Variants in IGF2BP3 observed in about 807,000 individuals in gnomAD.
IGF2BP3 encodes insulin like growth factor 2 mRNA binding protein 3.
A neutral mutation model predicts 73.8 loss-of-function variants in IGF2BP3; 9 were observed. The observed-to-expected ratio is 0.12, with a 90% confidence interval of 0.07 to 0.21. IGF2BP3 has a LOEUF of 0.21. Among genes scored for constraint, IGF2BP3 ranks in the 10% least tolerant of loss-of-function variants. The pLI is 1.00. For synonymous variants in IGF2BP3, 258 were observed against 256.7 expected, an observed-to-expected ratio of 1.01 and a Z score of -0.05; for missense variants, 542 against 714.0, an observed-to-expected ratio of 0.76 and a Z score of 2.75.
intron 2 of IGF2BP3, among the ~76,000 whole-genome samples, chr7:23,442,881 G>A (rs544566127): frequency 1.8e-4 from 27 of 152,026 alleles, no homozygotes; most frequent in African/African-American, 6.3e-4. Flanking sequence ...GATTTATGGT[G>A]GCAGTATGTA....
intron 3 of IGF2BP3, among the ~76,000 whole-genome samples, chr7:23,406,094 T>C (rs1393063230): frequency 6.6e-6 from 1 of 150,940 alleles, no homozygotes; most frequent in African/African-American, 2.4e-5. Context: ...AAAGAAAAAT[T>C]GTCTTCTACG....
intron 10 of IGF2BP3, among the ~76,000 whole-genome samples, chr7:23,340,854 T>A (rs1306537521): frequency 6.9e-6 from 1 of 145,818 alleles, no homozygotes; most frequent in Non-Finnish European, 1.5e-5. Context: ...TTTTTCTTTT[T>A]TTTTTTTTTT....
At chr7:23,328,216 T>C (rs1583890261) in intron 10 of IGF2BP3, among the ~76,000 whole-genome samples, 1 of 152,180 alleles carries the variant, frequency 6.6e-6, no homozygotes, top group African/African-American at 2.4e-5. Flanking sequence ...GTTTCCTTTT[T>C]TTCTTTTTTT....
Position 23,369,158 on chromosome 7 carries a change from T to C in IGF2BP3, c.286-7417A>G, listed in dbSNP as rs1057034713. Among the ~76,000 whole-genome samples, 17 of 152,144 alleles carry C rather than the reference T, an allele frequency of 1.1e-4. 1 individual carries two copies. The highest frequency in any genetic ancestry group is 9.8e-4 in the Admixed American group (15 of 15,276). On this transcript the variant is annotated intron_variant, in intron 3 of 14. Coordinates refer to ENST00000258729, the MANE Select transcript of IGF2BP3 (RefSeq NM_006547.3). ...ATGGTGATTTGTTCTTCAGTTGCCA[T>C]GGATCCCCAGGTTGCAAGTTCTGTA...
chr7:23,348,842 T>TA (rs1784894636), intron 6 of IGF2BP3, among the ~76,000 whole-genome samples: 1 of 152,222 alleles, frequency 6.6e-6, no homozygotes, highest in Non-Finnish European at 1.5e-5. Flanking sequence ...TAGAATTATC[T>TA]AATTGCGGGA....
chr7:23,322,356 AG>A (rs1169652256), intron 10 of IGF2BP3, among the ~76,000 whole-genome samples: 1 of 152,222 alleles, frequency 6.6e-6, no homozygotes, highest in Non-Finnish European at 1.5e-5. Context: ...TGAAGCAAGA[AG>A]GGAAGTTTAG....
chr7:23,342,025 T>C (rs1448660520), intron 10 of IGF2BP3, 39 bp downstream of exon 10: 5 of 1,513,232 alleles, frequency 3.3e-6, no homozygotes, highest in Non-Finnish European at 3.5e-6. Flanking sequence ...CATTAAGATT[T>C]TGCCCAATCA....
intron 3 of IGF2BP3, among the ~76,000 whole-genome samples, chr7:23,398,559 T>A (rs1226736121): frequency 2.0e-5 from 3 of 152,206 alleles, no homozygotes; most frequent in African/African-American, 4.8e-5. Context: ...TTTCTCCACA[T>A]CCTCTCCAGG....
chr7:23,440,797 C>T (rs1467715961), intron 2 of IGF2BP3, among the ~76,000 whole-genome samples: 1 of 152,160 alleles, frequency 6.6e-6, no homozygotes, highest in Non-Finnish European at 1.5e-5. Flanking sequence ...AAAGTTTTAG[C>T]TTTTTTCTAA....
chr7:23,378,921 T>C (rs1268997405), intron 3 of IGF2BP3, among the ~76,000 whole-genome samples: 2 of 151,780 alleles, frequency 1.3e-5, no homozygotes, highest in Non-Finnish European at 2.9e-5. Flanking sequence ...AGAAACACAA[T>C]TGAATGAGCA....
At chr7:23,320,134 A>T (rs1472680560) in intron 10 of IGF2BP3, among the ~76,000 whole-genome samples, 1 of 148,074 alleles carries the variant, frequency 6.8e-6, no homozygotes, top group Admixed American at 6.7e-5. Context: ...CTGGTCTTGA[A>T]CTCCTGACCT....
intron 3 of IGF2BP3, among the ~76,000 whole-genome samples, chr7:23,410,986 A>G (rs1786999783): frequency 6.6e-6 from 1 of 152,328 alleles, no homozygotes; most frequent in East Asian, 1.9e-4. Flanking sequence ...TACCCGGCAC[A>G]TAAGTGCCTA....
At chr7:23,419,831 C>T (rs985225703) in intron 2 of IGF2BP3, among the ~76,000 whole-genome samples, 2 of 152,056 alleles carry the variant, frequency 1.3e-5, no homozygotes, top group African/African-American at 4.8e-5. Flanking sequence ...GCAGCCTGGG[C>T]GACAGAGCGA....
chr7:23,314,206 G>A (rs189349512), intron 12 of IGF2BP3, among the ~76,000 whole-genome samples: 3 of 146,326 alleles, frequency 2.1e-5, no homozygotes, highest in Admixed American at 1.4e-4. Flanking sequence ...TTTTTGAGAC[G>A]GAGTCTTACT....
In IGF2BP3 at chr7:23,311,431, A is replaced by G. The variant is rs1256751050; in HGVS notation, c.*931T>C. 1 of 152,664 alleles carries G rather than the reference A, an allele frequency of 6.6e-6. No homozygotes were observed. Among genetic ancestry groups the G allele is most frequent in the East Asian group, 1.9e-4 (1 of 5,204 alleles). 9.5% of individuals were successfully genotyped at this position (152,664 alleles called of 1,614,324 possible). ...CTAAACAAAAAACTGAAGTCTCCTG[A>G]AGCCATTTAAACCAGCCGTTCCAAA... On this transcript the variant is annotated 3_prime_UTR_variant, in exon 15 of 15. Coordinates refer to ENST00000258729, the MANE Select transcript of IGF2BP3 (RefSeq NM_006547.3).
chr7:23,466,261 G>A (rs1364501689), intron 2 of IGF2BP3, among the ~76,000 whole-genome samples: 4 of 152,120 alleles, frequency 2.6e-5, no homozygotes, highest in Non-Finnish European at 5.9e-5. Context: ...GACCTCAGGC[G>A]ATCCACCCAC....
intron 3 of IGF2BP3, among the ~76,000 whole-genome samples, chr7:23,400,117 A>G (rs563406834): frequency 6.6e-6 from 1 of 152,318 alleles, no homozygotes; most frequent in East Asian, 1.9e-4. Context: ...CTAAAGAAAC[A>G]TTTGTGTTTC....
At chr7:23,381,142 T>G (rs1323931100) in intron 3 of IGF2BP3, among the ~76,000 whole-genome samples, 2 of 152,210 alleles carry the variant, frequency 1.3e-5, no homozygotes, top group African/African-American at 4.8e-5. Context: ...AAATCCCTCC[T>G]CCCAGAAGTC....
Position 23,317,696 on chromosome 7 carries a change from T to C in IGF2BP3, c.1338A>G (p.Ala446=). Residue 446 remains alanine (A), a synonymous_variant, in exon 12 of 15, where the codon GCA becomes GCG. Coordinates refer to ENST00000258729, the MANE Select transcript of IGF2BP3 (RefSeq NM_006547.3). ...TCACCATCCTCACTTTAGCATCTGG[T>C]GCTTCCGCTGGAGCAATCTGTAACA... ...GASIKIAPAE[A]PDAKVRMVII... 3 of 1,614,088 alleles carry C rather than the reference T, an allele frequency of 1.9e-6. No homozygotes were observed. Among genetic ancestry groups the C allele is most frequent in the Non-Finnish European group, 2.5e-6 (3 of 1,179,910 alleles).
Sources: allele counts gnomAD v4.1 joint callset (sites outside exome capture counted in the v4.1 genomes callset), GRCh38; gene constraint gnomAD v4.1.1; transcripts MANE v1.5; gene names NCBI Gene and HGNC (gene_info 2026-07-23, HGNC 2026-07-21).